MACROD2: variants seen among roughly 807,000 people sequenced by gnomAD.
The protein encoded by MACROD2 is ADP-ribose glycohydrolase MACROD2.
Under a neutral mutation model 70.4 loss-of-function variants are expected in MACROD2, and 36 were observed. The ratio of observed to expected loss-of-function variants is 0.51; its 90% CI spans 0.39 to 0.68. The LOEUF (loss-of-function observed/expected upper bound fraction) is 0.68. Ranked by LOEUF, MACROD2 falls within the 30% of genes least tolerant of loss-of-function variation. The probability of loss-of-function intolerance (pLI) is 0.00; values close to 1 mark genes in which losing one functional copy is unlikely to be tolerated. For synonymous variants in MACROD2, 172 were observed against 178.8 expected (o/e 0.96, Z 0.30); for missense variants, 496 against 538.4 (o/e 0.92, Z 0.78).
intron 5 of MACROD2, among the ~76,000 whole-genome samples, chr20:15,145,736 A>C (rs461300): frequency 2.0e-5 from 3 of 151,844 alleles, no homozygotes; most frequent in Non-Finnish European, 4.4e-5. Flanking sequence ...TTAACTGATA[A>C]GAAATGATTT....
At chr20:14,717,965 TAC>T (rs535790336) in intron 5 of MACROD2, among the ~76,000 whole-genome samples, 17 of 151,150 alleles carry the variant, frequency 1.1e-4, no homozygotes, top group Admixed American at 2.0e-4. Flanking sequence ...AAACCAAAAA[TAC>T]ACACACACAC....
intron 8 of MACROD2, among the ~76,000 whole-genome samples, chr20:15,771,209 C>T (rs2051619256): frequency 6.6e-6 from 1 of 152,040 alleles, no homozygotes; most frequent in African/African-American, 2.4e-5. Context: ...AGGTCTCCCT[C>T]TGTTACCCAG....
chr20:15,821,248 T>C (rs2063935192), intron 8 of MACROD2, among the ~76,000 whole-genome samples: 1 of 152,136 alleles, frequency 6.6e-6, no homozygotes, highest in Admixed American at 6.5e-5. Context: ...CATTTCTTCA[T>C]TTTACTATTT....
intron 10 of MACROD2, among the ~76,000 whole-genome samples, chr20:15,897,847 T>A (rs1213701530): frequency 2.6e-5 from 4 of 152,240 alleles, no homozygotes; most frequent in Middle Eastern, 6.3e-3. Flanking sequence ...TGCAAACTTC[T>A]GCACTTGGTT....
intron 8 of MACROD2, among the ~76,000 whole-genome samples, chr20:15,687,311 A>G (rs114037415): frequency 0.022 from 3,298 of 151,164 alleles, 134 homozygotes; most frequent in African/African-American, 0.076. Context: ...TTATATATAT[A>G]TATATCGCAT....
chr20:15,075,895 A>G (rs570023559), intron 5 of MACROD2, among the ~76,000 whole-genome samples: 11 of 152,296 alleles, frequency 7.2e-5, no homozygotes, highest in African/African-American at 2.6e-4. Flanking sequence ...TTGTTCGTAA[A>G]AAGTGTAAAC....
chr20:15,404,647 C>T (rs1298350887), intron 6 of MACROD2, among the ~76,000 whole-genome samples: 1 of 152,184 alleles, frequency 6.6e-6, no homozygotes, highest in Non-Finnish European at 1.5e-5. Flanking sequence ...AACTACCTCC[C>T]CTGTTATCTA....
chr20:14,223,700 G>GTT (rs1462786436), intron 3 of MACROD2, among the ~76,000 whole-genome samples: 1 of 151,960 alleles, frequency 6.6e-6, no homozygotes, highest in African/African-American at 2.4e-5. Context: ...TAGAGACAGG[G>GTT]TTTTACTATG....
chr20:14,921,729 G>T (rs1164003112), intron 5 of MACROD2, among the ~76,000 whole-genome samples: 3 of 108,328 alleles, frequency 2.8e-5, no homozygotes, highest in Non-Finnish European at 6.7e-5. Flanking sequence ...AGGGATAATT[G>T]TTTGGTATAT....
At chr20:14,902,006 C>T (rs766772068) in intron 5 of MACROD2, among the ~76,000 whole-genome samples, 2 of 152,136 alleles carry the variant, frequency 1.3e-5, no homozygotes, top group Admixed American at 1.3e-4. Flanking sequence ...TTACTCTAAG[C>T]AGTCAATAAT....
At chr20:14,768,567 C>A (rs1032396115) in intron 5 of MACROD2, among the ~76,000 whole-genome samples, 2 of 152,084 alleles carry the variant, frequency 1.3e-5, no homozygotes, top group Non-Finnish European at 2.9e-5. Flanking sequence ...AATCCTCCTG[C>A]CTCAGCCTTC....
intron 7 of MACROD2, among the ~76,000 whole-genome samples, chr20:15,442,314 A>T (rs1205495667): frequency 6.6e-6 from 1 of 152,174 alleles, no homozygotes; most frequent in East Asian, 1.9e-4. Flanking sequence ...GTAAAGTTAA[A>T]CTGTTCTAAC....
intron 4 of MACROD2, among the ~76,000 whole-genome samples, chr20:14,551,471 T>A (rs1265457074): frequency 6.6e-6 from 1 of 152,208 alleles, no homozygotes; most frequent in Non-Finnish European, 1.5e-5. Flanking sequence ...ACCTCATAAT[T>A]TCTGACATAG....
chr20:14,619,416 A>G (rs1390197984), intron 4 of MACROD2, among the ~76,000 whole-genome samples: 3 of 75,608 alleles, frequency 4.0e-5, no homozygotes, highest in Non-Finnish European at 7.7e-5. Flanking sequence ...GAAGGAGGAA[A>G]GGAGGGAAGG....
intron 7 of MACROD2, among the ~76,000 whole-genome samples, chr20:15,440,359 A>G (rs1460068944): frequency 6.6e-6 from 1 of 152,162 alleles, no homozygotes; most frequent in Non-Finnish European, 1.5e-5. Context: ...TTTATCCAAT[A>G]TAGTTTTGTT....
At chr20:15,993,430 T>C (rs2066586162) in intron 15 of MACROD2, among the ~76,000 whole-genome samples, 1 of 152,148 alleles carries the variant, frequency 6.6e-6, no homozygotes, top group African/African-American at 2.4e-5. Flanking sequence ...TATAATTATC[T>C]ACAGTCTTCA....
At chr20:15,801,185 TTAAAAAAA>T (rs564620103) in intron 8 of MACROD2, among the ~76,000 whole-genome samples, 9,456 of 89,396 alleles carry the variant, frequency 0.11, 819 homozygotes, top group African/African-American at 0.3. Context: ...GAATGATCAA[TTAAAAAAA>T]AAAAAAAAAA....
chr20:14,368,564 A>C (rs1171120937), intron 3 of MACROD2, among the ~76,000 whole-genome samples: 1 of 151,980 alleles, frequency 6.6e-6, no homozygotes, highest in Admixed American at 6.6e-5. Context: ...ACACACACAC[A>C]AAACTGGGCA....
intron 3 of MACROD2, among the ~76,000 whole-genome samples, chr20:14,093,570 G>A (rs2054181522): frequency 6.6e-6 from 1 of 151,996 alleles, no homozygotes; most frequent in African/African-American, 2.4e-5. Flanking sequence ...TCATGGGGAT[G>A]CTTGAAAATA....
Sources: gnomAD v4.1 joint callset for allele counts (sites outside exome capture counted in the v4.1 genomes callset) on GRCh38, gnomAD v4.1.1 for gene constraint, MANE v1.5 for transcripts, NCBI Gene and HGNC (gene_info 2026-07-23, HGNC 2026-07-21) for gene names.